The following KDM4C variants were observed in gnomAD, a reference collection of about 807,000 sequenced individuals.
KDM4C encodes lysine demethylase 4C, also known as lysine-specific demethylase 4C.
KDM4C carries 81 observed loss-of-function variants against 129.3 expected under a neutral mutation model. The observed-to-expected ratio is 0.63, with a 90% CI of 0.52 to 0.75. KDM4C has a LOEUF of 0.75. KDM4C is among the 30% of genes least tolerant of loss of function. The probability of loss-of-function intolerance (pLI) is 0.00; values close to 1 mark genes in which losing one functional copy is unlikely to be tolerated. For missense variants in KDM4C, 1,457 were observed against 1,304.0 expected (o/e 1.12, Z -1.81); for synonymous variants, 573 against 456.1 (o/e 1.26, Z -3.26).
chr9:6,848,562 G>A (rs1838273664), intron 4 of KDM4C, among the ~76,000 whole-genome samples: 1 of 152,120 alleles, frequency 6.6e-6, no homozygotes, highest in African/African-American at 2.4e-5. Context: ...CCAGCTGTGT[G>A]GAAGGCTGAG....
At chr9:7,091,215 T>C (rs910974079) in intron 17 of KDM4C, among the ~76,000 whole-genome samples, 6 of 152,148 alleles carry the variant, frequency 3.9e-5, no homozygotes, top group African/African-American at 1.2e-4. Flanking sequence ...TGTCATGAGA[T>C]TGGCTTTAAC....
At chr9:6,877,967 T>A (rs1843823143) in intron 5 of KDM4C, among the ~76,000 whole-genome samples, 1 of 152,232 alleles carries the variant, frequency 6.6e-6, no homozygotes, top group African/African-American at 2.4e-5. Context: ...ATTTAAATAC[T>A]GTGTAACAAA....
intron 1 of KDM4C, among the ~76,000 whole-genome samples, chr9:6,789,217 A>AT (rs1447380978): frequency 4.5e-5 from 3 of 66,236 alleles, no homozygotes; most frequent in East Asian, 8.1e-4. Context: ...ACGCCTGGCT[A>AT]ATTTTTTTTT....
intron 8 of KDM4C, chr9:6,925,212 C>T (rs1822257805): frequency 1.0e-6 from 1 of 985,224 alleles, no homozygotes; most frequent in East Asian, 1.1e-4. Flanking sequence ...CGATACAGCT[C>T]ATGTGAGAGC....
chr9:7,165,398 T>G (rs1197234376), intron 20 of KDM4C, 41 bp downstream of exon 20: 2 of 1,603,954 alleles, frequency 1.2e-6, no homozygotes, highest in Non-Finnish European at 1.7e-6. Flanking sequence ...AAGATTGACA[T>G]GATAAGTCAG....
chr9:7,161,071 G>A (rs1399710413), intron 19 of KDM4C, among the ~76,000 whole-genome samples: 3 of 152,142 alleles, frequency 2.0e-5, no homozygotes, highest in East Asian at 3.9e-4. Flanking sequence ...CTGCCACCTC[G>A]CACTTCAGTC....
chr9:6,889,211 T>TGTGTGTGTG (rs1845737956), intron 7 of KDM4C, among the ~76,000 whole-genome samples: 3 of 61,616 alleles, frequency 4.9e-5, no homozygotes, highest in South Asian at 9.2e-4. Context: ...GGCCTTCTTT[T>TGTGTGTGTG]TGTGTGTGTG....
intron 2 of KDM4C, among the ~76,000 whole-genome samples, chr9:6,798,845 C>T (rs1056409297): frequency 2.0e-4 from 30 of 151,712 alleles, no homozygotes; most frequent in African/African-American, 6.0e-4. Context: ...ACTTCTCAGA[C>T]GGGGCGGCTG....
intron 5 of KDM4C, among the ~76,000 whole-genome samples, chr9:6,861,596 C>T (rs1241078220): frequency 6.6e-6 from 1 of 152,096 alleles, no homozygotes; most frequent in South Asian, 2.1e-4. Context: ...TAAGAGAAAT[C>T]TACAGACAAC....
chr9:7,034,494 C>T (rs1471316730), intron 15 of KDM4C, among the ~76,000 whole-genome samples: 5 of 152,158 alleles, frequency 3.3e-5, no homozygotes, highest in Non-Finnish European at 7.4e-5. Context: ...GCTTAATGTC[C>T]TCCAGTTCCT....
chr9:6,902,112 A>G (rs1347937111), intron 8 of KDM4C, among the ~76,000 whole-genome samples: 1 of 152,042 alleles, frequency 6.6e-6, no homozygotes, highest in African/African-American at 2.4e-5. Flanking sequence ...ATTTTTTTCC[A>G]CCAGTATGAA....
intron 9 of KDM4C, among the ~76,000 whole-genome samples, chr9:6,983,823 A>G (rs10975950): frequency 0.047 from 7,159 of 152,132 alleles, 327 homozygotes; most frequent in East Asian, 0.24. Context: ...TATTTTATTT[A>G]TTGATTTTAT....
At position 7,033,695 on chromosome 9, in the gene KDM4C, T is replaced by A. The variant is rs76111327; in HGVS notation, c.2260-13167T>A. 4.1e-3 allele frequency among the ~76,000 whole-genome samples: 621 copies of A among 152,324 alleles called. 3 individuals are homozygous for A. Among genetic ancestry groups the A allele is most frequent in the African/African-American group, 0.014 (581 of 41,564 alleles). On this transcript the variant is annotated intron_variant, in intron 15 of 21. Transcript: ENST00000381309. ...TGTAATGGAGAGAAATAAAAAGAAG[T>A]TTAGATAGCTTACTGTAAGTGGAAC... is the stretch of plus-strand genomic sequence containing the variant.
chr9:6,886,529 T>C (rs1845296187), intron 6 of KDM4C, among the ~76,000 whole-genome samples: 1 of 149,480 alleles, frequency 6.7e-6, no homozygotes, highest in African/African-American at 2.5e-5. Context: ...TCTTACTCTG[T>C]CATCCAGGCT....
In KDM4C at chr9:6,889,235, G is replaced by A. The variant is rs1224354996; in HGVS notation, c.783+1172G>A. On this transcript the variant is annotated intron_variant, in intron 7 of 21. Coordinates refer to ENST00000381309, the MANE Select transcript of KDM4C (RefSeq NM_015061.6). ...TTTGTGTGTGTGTGTGTGTGTGTGT[G>A]TGTGTGTGTGTGTGTGGGAGGGTGG... Among the ~76,000 whole-genome samples, 3 of 124,926 alleles carry A rather than the reference G, an allele frequency of 2.4e-5. No homozygotes were observed. In the East Asian group the frequency reaches 6.8e-4, roughly 28 times the overall value. The allele number at this position is 124,926 out of a possible 152,430, so 82.0% of individuals were successfully genotyped here. A position where few individuals can be genotyped will look rare whatever the true frequency, so the allele number is the denominator to read the frequency against.
chr9:6,748,426 G>C (rs950800673), intron 1 of KDM4C, among the ~76,000 whole-genome samples: 13 of 151,504 alleles, frequency 8.6e-5, no homozygotes, highest in African/African-American at 2.7e-4. Flanking sequence ...AGAATCGCTT[G>C]AACCTGGGAG....
At chr9:7,083,619 A>T (rs1834784482) in intron 17 of KDM4C, among the ~76,000 whole-genome samples, 1 of 152,168 alleles carries the variant, frequency 6.6e-6, no homozygotes, top group Non-Finnish European at 1.5e-5. Context: ...CATAGAAAAG[A>T]TATAGCCAAA....
chr9:7,126,764 G>A (rs1840065398), intron 18 of KDM4C, among the ~76,000 whole-genome samples: 2 of 151,808 alleles, frequency 1.3e-5, no homozygotes, highest in Non-Finnish European at 2.9e-5. Flanking sequence ...CCTCTAAACT[G>A]AACCATACTC....
At chr9:6,978,753 C>G (rs1025161017) in intron 8 of KDM4C, 5 of 152,232 alleles carry the variant, frequency 3.3e-5, no homozygotes, top group African/African-American at 1.2e-4. Context: ...ACCACATTCT[C>G]TCTTCCTGGC....
Sources: gnomAD v4.1 joint callset for allele counts (sites outside exome capture counted in the v4.1 genomes callset) on GRCh38, gnomAD v4.1.1 for gene constraint, MANE v1.5 for transcripts, NCBI Gene and HGNC (gene_info 2026-07-23, HGNC 2026-07-21) for gene names.